The following DLD variants were observed in gnomAD, a reference collection of about 807,000 sequenced individuals.
The protein encoded by DLD is dihydrolipoyl dehydrogenase, mitochondrial.
DLD carries 36 observed loss-of-function variants against 62.2 expected under a neutral mutation model. The ratio of observed to expected loss-of-function variants is 0.58; its 90% confidence interval spans 0.44 to 0.76. The LOEUF is 0.76. DLD is among the 30% of genes least tolerant of loss of function. The pLI is 0.00. For missense variants in DLD, 541 were observed against 608.6 expected (o/e 0.89, Z 1.17); for synonymous variants, 204 against 199.6 (o/e 1.02, Z -0.19).
chr7:107,899,301 TG>T (rs1298632010), intron 2 of DLD, among the ~76,000 whole-genome samples: 1 of 150,942 alleles, frequency 6.6e-6, no homozygotes, highest in Non-Finnish European at 1.5e-5. Context: ...GGTATTGTAA[TG>T]GAATATTACA....
Position 107,903,864 on chromosome 7 carries a change from A to G in DLD, c.337+317A>G, listed in dbSNP as rs1163727873. On this transcript the variant is annotated intron_variant, in intron 5 of 13. Transcript: ENST00000205402. ...CAGTTTTCATTTCCTAAAATCTGGA[A>G]ATCACTGAGAAGGCTGGATTCCTGA... The G allele has an allele frequency of 2.9e-5, 8 of 278,618 alleles. No homozygotes were observed. In the East Asian group the frequency reaches 7.3e-4, roughly 25 times the overall value. 17.3% of individuals were successfully genotyped at this position (278,618 alleles called of 1,614,324 possible). A position where few individuals can be genotyped will look rare whatever the true frequency, so the allele number is the denominator to read the frequency against.
At chr7:107,912,047 T>G (rs1040665536) in intron 8 of DLD, among the ~76,000 whole-genome samples, 1 of 142,254 alleles carries the variant, frequency 7.0e-6, no homozygotes, top group Non-Finnish European at 1.5e-5. Context: ...AGTTTGTTTG[T>G]TTTTTTTTTT....
Position 107,916,790 on chromosome 7 carries a change from C to A in DLD, c.876-4C>A, listed in dbSNP as rs760512682. ...TTAACATTTATACACTGTTTGTTAT[C>A]TAGTATTGAAGCTGCTTCTGGTGGT... On this transcript the variant is annotated splice_region_variant and splice_polypyrimidine_tract_variant and intron_variant, in intron 9 of 13. Transcript: ENST00000205402. 1 of 1,612,782 alleles carries A rather than the reference C, an allele frequency of 6.2e-7. No individual in the cohort carries two copies. The highest frequency in any genetic ancestry group is 8.5e-7 in the Non-Finnish European group (1 of 1,179,604).
At chr7:107,907,122 T>C (rs1357280930) in intron 8 of DLD, among the ~76,000 whole-genome samples, 1 of 152,172 alleles carries the variant, frequency 6.6e-6, no homozygotes, top group Non-Finnish European at 1.5e-5. Context: ...CCATAGTCCA[T>C]CACTTTAACC....
Position 107,905,507 on chromosome 7 carries a change from A to T in DLD, c.582+3A>T. ...TTACTCCTTTTCCTGGAATCACGGT[A>T]TTTATGCTTCATAATTTACAACCAT... On this transcript the variant is annotated splice_donor_region_variant and intron_variant, in intron 7 of 13. Transcript: ENST00000205402. 6.2e-7 allele frequency: 1 copy of T among 1,613,514 alleles called. No homozygotes were observed. Among genetic ancestry groups the T allele is most frequent in the Non-Finnish European group, 8.5e-7 (1 of 1,179,486 alleles).
In DLD at chr7:107,917,355, A is replaced by G. The variant is rs915221367; in HGVS notation, c.1129A>G (p.Met377Val). 11 of 1,614,030 alleles carry G rather than the reference A, an allele frequency of 6.8e-6. No individual in the cohort carries two copies. Among genetic ancestry groups the G allele is most frequent in the Admixed American group, 1.7e-5 (1 of 59,990 alleles). Reference protein sequence around the residue: ...EDEGIICVEGMAGGAVHIDYN... With the variant: ...EDEGIICVEGVAGGAVHIDYN... Reference sequence around the variant, plus strand: ...TGAAGGCATTATCTGTGTTGAAGGAATGGCTGGTGGTGCTGTGCACATTGA... The same window carrying G: ...TGAAGGCATTATCTGTGTTGAAGGAGTGGCTGGTGGTGCTGTGCACATTGA... Residue 377 changes from methionine to valine, a missense_variant, in exon 11 of 14, where the codon ATG becomes GTG. Physicochemically the swap from Met to Val is conservative, Grantham distance 21 (BLOSUM62 1). Transcript: ENST00000205402.
In DLD at chr7:107,915,562, T is replaced by C. The variant is rs781000040; in HGVS notation, c.741T>C (p.His247=). The C allele has an allele frequency of 1.1e-5, 17 of 1,613,936 alleles. No homozygotes were observed. The South Asian group carries it at 1.1e-4, about 10-fold the overall frequency. Residue 247 remains histidine (H), a synonymous_variant, in exon 9 of 14, where the codon CAT becomes CAC. Coordinates refer to ENST00000205402, the MANE Select transcript of DLD (RefSeq NM_000108.5). ...TGACAGCAGTTGAATTTTTAGGTCATGTAGGTGGAGTTGGAATTGATATGG... is the reference window on the plus strand; with the variant it reads ...TGACAGCAGTTGAATTTTTAGGTCACGTAGGTGGAGTTGGAATTGATATGG... ...ADVTAVEFLG[H]VGGVGIDMEI... is the part of the protein sequence containing the mutation.
chr7:107,901,717 A>G, intron 2 of DLD, 21 bp from the exon 3 acceptor site: 2 of 1,603,382 alleles, frequency 1.2e-6, no homozygotes, highest in Non-Finnish European at 8.5e-7. Flanking sequence ...ACTATTTTAT[A>G]TCAATTTGCT....
Position 107,913,139 on chromosome 7 carries a change from T to G in DLD, c.685-2367T>G, listed in dbSNP as rs137893691. ...TGGATTTATATTTGGGTTTTTTATT[T>G]TGTTCCATTGGTCTGTGTGTCTTTT... On this transcript the variant is annotated intron_variant, in intron 8 of 13. Transcript: ENST00000205402. Among the ~76,000 whole-genome samples the G allele has an allele frequency of 1.3e-4, 20 of 152,246 alleles. No individual in the cohort carries two copies. The East Asian group carries it at 2.1e-3, about 16-fold the overall frequency.
At chr7:107,917,895 C>A in intron 11 of DLD, 29 bp from the exon 12 acceptor site, 1 of 1,613,602 alleles carries the variant, frequency 6.2e-7, no homozygotes, top group Non-Finnish European at 8.5e-7. Flanking sequence ...CTGGCAGTTA[C>A]GTAGATTCTT....
At chr7:107,893,826 G>T (rs1018170922) in intron 2 of DLD, among the ~76,000 whole-genome samples, 3 of 152,190 alleles carry the variant, frequency 2.0e-5, no homozygotes, top group South Asian at 2.1e-4. Context: ...TGTAAGGCAG[G>T]TCTAGTAGTT....
intron 12 of DLD, 110 bp downstream of exon 12, chr7:107,918,171 CTT>C (rs2032318523): frequency 1.7e-6 from 2 of 1,207,200 alleles, no homozygotes; most frequent in East Asian, 4.8e-5. Flanking sequence ...TCCAGCAAAA[CTT>C]TGAATATGGC....
chr7:107,900,262 A>AG (rs1357919363), intron 2 of DLD, among the ~76,000 whole-genome samples: 11 of 152,130 alleles, frequency 7.2e-5, no homozygotes, highest in African/African-American at 2.7e-4. Context: ...GATTCTGTTC[A>AG]GGCCAGCAAA....
chr7:107,919,191 C>G lies in DLD; in HGVS notation c.1465-3C>G. On this transcript the variant is annotated splice_region_variant and splice_polypyrimidine_tract_variant and intron_variant, in intron 13 of 13. Transcript: ENST00000205402. ...TTTTAATTTTAAATTTCTTCCCTTG[C>G]AGACCTTATCAGAAGCTTTTAGAGA... 1 of 1,613,302 alleles carries G rather than the reference C, an allele frequency of 6.2e-7. No homozygotes were observed. The highest frequency in any genetic ancestry group is 1.1e-5 in the South Asian group (1 of 91,058).
chr7:107,919,151 C>T, intron 13 of DLD, 43 bp from the exon 14 acceptor site: 1 of 1,611,150 alleles, frequency 6.2e-7, no homozygotes, highest in Non-Finnish European at 8.5e-7. Context: ...TTCTTCTGAC[C>T]CACAAATATT....
intron 12 of DLD, among the ~76,000 whole-genome samples, chr7:107,918,677 C>A (rs2032328604): frequency 1.3e-5 from 2 of 152,136 alleles, no homozygotes; most frequent in Non-Finnish European, 2.9e-5. Context: ...TATTTGAGTG[C>A]TGTGTCACTT....
intron 8 of DLD, among the ~76,000 whole-genome samples, chr7:107,907,429 T>G (rs1461475768): frequency 6.6e-6 from 1 of 152,216 alleles, no homozygotes; most frequent in East Asian, 1.9e-4. Flanking sequence ...GCTTGTATAC[T>G]GTCTGCTCTG....
chr7:107,914,593 A>C (rs1014677921), intron 8 of DLD, among the ~76,000 whole-genome samples: 1 of 152,176 alleles, frequency 6.6e-6, no homozygotes, highest in South Asian at 2.1e-4. Context: ...TATTGCCTCT[A>C]GTTAACTCAG....
intron 1 of DLD, 63 bp downstream of exon 1, chr7:107,891,352 C>T: frequency 1.3e-6 from 2 of 1,589,194 alleles, no homozygotes; most frequent in Admixed American, 1.7e-5. Context: ...CTCAGTGGGT[C>T]CGGTACGCGG....
Sources: gnomAD v4.1 joint callset for allele counts (sites outside exome capture counted in the v4.1 genomes callset) on GRCh38, gnomAD v4.1.1 for gene constraint, MANE v1.5 for transcripts, NCBI Gene and HGNC (gene_info 2026-07-23, HGNC 2026-07-21) for gene names.